TCTN2: variants seen among roughly 807,000 people sequenced by gnomAD.
TCTN2 encodes tectonic-2.
In TCTN2, 66 loss-of-function variants were observed where a neutral mutation model predicts 83.4. That is an observed-to-expected ratio of 0.79 (90% CI 0.65 to 0.97). TCTN2 has a LOEUF of 0.97. Among genes scored for constraint, TCTN2 ranks in the 50% least tolerant of loss-of-function variants. The pLI is 0.00. For synonymous variants in TCTN2, 301 were observed against 326.7 expected, an observed-to-expected ratio of 0.92 and a Z score of 0.85; for missense variants, 794 against 858.1, an observed-to-expected ratio of 0.93 and a Z score of 0.93.
chr12:123,672,202 C>T, intron 3 of TCTN2, 70 bp downstream of exon 3: 6 of 1,301,466 alleles, frequency 4.6e-6, no homozygotes, highest in Non-Finnish European at 5.6e-6. Context: ...GCAGTGCTCT[C>T]TTTATTTAAC....
intron 17 of TCTN2, 100 bp downstream of exon 17, chr12:123,707,173 A>G: frequency 9.7e-7 from 1 of 1,027,020 alleles, no homozygotes; most frequent in Non-Finnish European, 1.5e-6. Context: ...AACATATAGA[A>G]ACTTAAAAAA....
chr12:123,691,149 G>A (rs894898301), intron 8 of TCTN2, among the ~76,000 whole-genome samples: 2 of 152,154 alleles, frequency 1.3e-5, no homozygotes, highest in Admixed American at 6.6e-5. Context: ...GATTACAGGT[G>A]TAAGCCATCG....
At chr12:123,704,718 TAG>T (rs1309241425) in intron 15 of TCTN2, 30 bp downstream of exon 15, 2 of 1,613,014 alleles carry the variant, frequency 1.2e-6, no homozygotes, top group Middle Eastern at 1.7e-4. Flanking sequence ...CACCGTAGTT[TAG>T]AGAGAGTCAG....
chr12:123,694,106 G>A (rs1956079455), intron 9 of TCTN2, among the ~76,000 whole-genome samples: 1 of 151,542 alleles, frequency 6.6e-6, no homozygotes, highest in Non-Finnish European at 1.5e-5. Context: ...CGATTCTTCT[G>A]CCTCAGCCTC....
At chr12:123,674,667 G>T (rs1593832430) in intron 4 of TCTN2, among the ~76,000 whole-genome samples, 2 of 152,146 alleles carry the variant, frequency 1.3e-5, no homozygotes, top group East Asian at 3.9e-4. Context: ...GCCAAGGCGG[G>T]GGAATTTCTT....
At chr12:123,692,325 G>A (rs1956053230) in intron 8 of TCTN2, among the ~76,000 whole-genome samples, 1 of 152,224 alleles carries the variant, frequency 6.6e-6, no homozygotes, top group South Asian at 2.1e-4. Flanking sequence ...GATTATAGGC[G>A]TGAGCCCCTG....
intron 4 of TCTN2, among the ~76,000 whole-genome samples, chr12:123,675,285 G>A (rs1401145576): frequency 2.0e-5 from 3 of 152,118 alleles, no homozygotes; most frequent in African/African-American, 7.2e-5. Flanking sequence ...TGATGTTAGT[G>A]TTCTTAAACC....
intron 5 of TCTN2, 133 bp from the exon 6 acceptor site, chr12:123,686,703 T>G: frequency 1.0e-5 from 9 of 861,304 alleles, no homozygotes; most frequent in Non-Finnish European, 1.5e-5. Flanking sequence ...CACTTTTAGA[T>G]GAGACACAGA....
At chr12:123,694,785 A>G (rs1956087077) in intron 9 of TCTN2, 57 bp from the exon 10 acceptor site, 1 of 1,590,174 alleles carries the variant, frequency 6.3e-7, no homozygotes, top group Non-Finnish European at 8.6e-7. Flanking sequence ...ACCTCCCAGT[A>G]ACAGAGTCAG....
chr12:123,683,875 G>A (rs10846539), intron 5 of TCTN2, among the ~76,000 whole-genome samples: 10,904 of 152,142 alleles, frequency 0.072, 555 homozygotes, highest in African/African-American at 0.13. Context: ...TCCTGACCTC[G>A]TGATCCACCC....
At chr12:123,690,454 C>T in intron 7 of TCTN2, 79 bp from the exon 8 acceptor site, 1 of 1,597,908 alleles carries the variant, frequency 6.3e-7, no homozygotes, top group Non-Finnish European at 8.6e-7. Context: ...GCAGAAAGAC[C>T]AGTTTTAAGG....
chr12:123,697,025 G>A, intron 12 of TCTN2, 62 bp from the exon 13 acceptor site: 1 of 1,315,000 alleles, frequency 7.6e-7, no homozygotes, highest in Non-Finnish European at 1.1e-6. Context: ...ACGGAAAACT[G>A]AAGTTAATCT....
At position 123,707,710 on chromosome 12, in the gene TCTN2, T is replaced by C; in HGVS notation, c.2091T>C (p.Ser697=). 6.2e-7 allele frequency: 1 copy of C among 1,612,956 alleles called. No homozygotes were observed. The highest frequency in any genetic ancestry group is 8.5e-7 in the Non-Finnish European group (1 of 1,178,916). The change falls in exon 18 of 18, where the codon AGT becomes AGC. Residue 697 remains serine (S), a synonymous_variant. Coordinates refer to ENST00000303372, the MANE Select transcript of TCTN2 (RefSeq NM_024809.5). ...GGACCAGAATATGCAAAGCCTATAG[T>C]TAGACAACCACCTGGCTTTTATTTT... ...NPWTRICKAY[S]
chr12:123,685,905 T>TA (rs1566250993), intron 5 of TCTN2, among the ~76,000 whole-genome samples: 1 of 149,876 alleles, frequency 6.7e-6, no homozygotes, highest in African/African-American at 2.5e-5. Flanking sequence ...TTTTTTTTTT[T>TA]AATTTTGTCG....
chr12:123,696,998 A>G, intron 12 of TCTN2, 89 bp from the exon 13 acceptor site: 1 of 1,039,566 alleles, frequency 9.6e-7, no homozygotes, highest in Non-Finnish European at 1.5e-6. Flanking sequence ...ATTTCTACTT[A>G]CTGTTTTCTG....
At chr12:123,691,445 A>G (rs1956039749) in intron 8 of TCTN2, among the ~76,000 whole-genome samples, 1 of 152,150 alleles carries the variant, frequency 6.6e-6, no homozygotes, top group South Asian at 2.1e-4. Flanking sequence ...ATGGTGTTCC[A>G]TGGTTCATCC....
At position 123,671,138 on chromosome 12, in the gene TCTN2, A is replaced by ATGGCGGCGGCGGGGCAG. The variant is rs1423389461; in HGVS notation, c.-98_-82dup. 6 of 1,161,440 alleles carry ATGGCGGCGGCGGGGCAG rather than the reference A, an allele frequency of 5.2e-6. No homozygotes were observed. Among genetic ancestry groups the ATGGCGGCGGCGGGGCAG allele is most frequent in the Non-Finnish European group, 6.2e-6 (5 of 802,386 alleles). 71.9% of individuals were successfully genotyped at this position (1,161,440 alleles called of 1,614,324 possible). ...ATAGCTCCGGGCGTTCGCTTGCAAG[A>ATGGCGGCGGCGGGGCAG]TGGCGGCGGCGGGGCAGTGGCTGCT... On this transcript the variant is annotated 5_prime_UTR_variant, in exon 1 of 18. An upstream open reading frame in the 5' UTR loses its in-frame stop. Coordinates refer to ENST00000303372, the MANE Select transcript of TCTN2 (RefSeq NM_024809.5).
In TCTN2 at chr12:123,686,986, TC is replaced by T; in HGVS notation, c.721del (p.Ala242ProfsTer45). ...PDWFPFLCVQ[S>X]PLANTPFLGY... is the part of the protein sequence containing the mutation. ...TTGGTTTCCCTTTCTGTGTGTGCAG[TC>T]CCCCCTTGCCAACACACCCTTCCTT... On this transcript the variant is annotated frameshift_variant, in exon 6 of 18. Coordinates refer to ENST00000303372, the MANE Select transcript of TCTN2 (RefSeq NM_024809.5). LOFTEE classifies it high-confidence loss of function. 1 of 1,614,028 alleles carries T rather than the reference TC, an allele frequency of 6.2e-7. No homozygotes were observed. Among genetic ancestry groups the T allele is most frequent in the Admixed American group, 1.7e-5 (1 of 59,990 alleles).
At chr12:123,672,554 C>T (rs753126599) in intron 3 of TCTN2, among the ~76,000 whole-genome samples, 3 of 150,610 alleles carry the variant, frequency 2.0e-5, no homozygotes, top group South Asian at 2.1e-4. Context: ...TGTAACATAG[C>T]GAGACCTCGT....
Sources: gnomAD v4.1 joint callset for allele counts (sites outside exome capture counted in the v4.1 genomes callset) on GRCh38, gnomAD v4.1.1 for gene constraint, MANE v1.5 for transcripts, NCBI Gene and HGNC (gene_info 2026-07-23, HGNC 2026-07-21) for gene names.